LINGO2: variants seen among roughly 807,000 people sequenced by gnomAD.
LINGO2 encodes the protein leucine-rich repeat and immunoglobulin-like domain-containing nogo receptor-interacting protein 2.
In LINGO2, 14 loss-of-function variants were observed where a neutral mutation model predicts 30.6. The ratio of observed to expected loss-of-function variants is 0.46; its 90% CI spans 0.30 to 0.72. The LOEUF (loss-of-function observed/expected upper bound fraction) is 0.72. Among genes scored for constraint, LINGO2 ranks in the 30% least tolerant of loss-of-function variants. The pLI, the probability that LINGO2 is intolerant of heterozygous loss-of-function variation, is 0.07. For synonymous variants in LINGO2, 317 were observed against 288.5 expected (o/e 1.10, Z -1.00); for missense variants, 729 against 751.7 (o/e 0.97, Z 0.35).
chr9:28,219,129 C>T (rs930579996), intron 4 of LINGO2, among the ~76,000 whole-genome samples: 2 of 152,124 alleles, frequency 1.3e-5, no homozygotes, highest in East Asian at 1.9e-4. Context: ...AATATCATTC[C>T]TTAGTGGCCC....
At chr9:28,678,322 G>A in the LINGO2 span, among the ~76,000 whole-genome samples, 29 of 152,112 alleles carry the variant, frequency 1.9e-4, no homozygotes, top group African/African-American at 6.5e-4. Context: ...GGCACTGTTA[G>A]AGCAATCCTC....
chr9:28,460,822 G>T (rs1275582738), intron 2 of LINGO2, among the ~76,000 whole-genome samples: 3 of 152,052 alleles, frequency 2.0e-5, no homozygotes, highest in Non-Finnish European at 4.4e-5. Flanking sequence ...TTTGTGTGTG[G>T]GGGGAGGGGT....
chr9:29,006,050 G>A, the LINGO2 span, among the ~76,000 whole-genome samples: 5 of 151,328 alleles, frequency 3.3e-5, no homozygotes, highest in African/African-American at 7.3e-5. Context: ...TTAATCAACC[G>A]ATAGCTGCTA....
intron 1 of LINGO2, among the ~76,000 whole-genome samples, chr9:28,539,343 G>C (rs935257199): frequency 3.3e-4 from 50 of 152,214 alleles, no homozygotes; most frequent in African/African-American, 1.2e-3. Context: ...AGAAATGTTT[G>C]TTTAGTGAAT....
chr9:28,280,529 G>A (rs1773247369), intron 4 of LINGO2, among the ~76,000 whole-genome samples: 1 of 152,126 alleles, frequency 6.6e-6, no homozygotes, highest in Admixed American at 6.5e-5. Context: ...TCATCTTTGT[G>A]TGATTTCCTT....
intron 1 of LINGO2, among the ~76,000 whole-genome samples, chr9:28,536,980 C>A (rs367858410): frequency 6.6e-6 from 1 of 151,934 alleles, no homozygotes; most frequent in Non-Finnish European, 1.5e-5. Flanking sequence ...CATACTAGAA[C>A]AGAATGGGCC....
the LINGO2 span, among the ~76,000 whole-genome samples, chr9:28,729,299 G>A: frequency 1.3e-5 from 2 of 152,018 alleles, no homozygotes; most frequent in African/African-American, 2.4e-5. Flanking sequence ...AAGTTAACAA[G>A]GTTTATACAT....
chr9:28,535,679 G>T (rs1231277845), intron 1 of LINGO2, among the ~76,000 whole-genome samples: 3 of 151,632 alleles, frequency 2.0e-5, no homozygotes, highest in Non-Finnish European at 4.4e-5. Flanking sequence ...ACACACATAT[G>T]TACACCACAT....
chr9:28,638,659 G>A (rs975975472), intron 1 of LINGO2, among the ~76,000 whole-genome samples: 6 of 151,988 alleles, frequency 3.9e-5, no homozygotes, highest in East Asian at 1.9e-4. Flanking sequence ...TGGGATCGGC[G>A]GTGATATCCC....
intron 2 of LINGO2, among the ~76,000 whole-genome samples, chr9:28,424,287 G>A (rs1823317429): frequency 6.6e-6 from 1 of 152,050 alleles, no homozygotes; most frequent in African/African-American, 2.4e-5. Flanking sequence ...ACAACTTTTA[G>A]GCCTAGCCTG....
the LINGO2 span, among the ~76,000 whole-genome samples, chr9:29,204,841 A>G: frequency 2.6e-5 from 4 of 152,168 alleles, no homozygotes; most frequent in African/African-American, 7.2e-5. Context: ...ACGTTGAGTA[A>G]AAGTGATGAT....
the LINGO2 span, among the ~76,000 whole-genome samples, chr9:28,834,259 G>C: frequency 6.6e-6 from 1 of 152,036 alleles, no homozygotes; most frequent in East Asian, 1.9e-4. Context: ...ACTGAACCCA[G>C]GCCTCTTTCA....
the LINGO2 span, among the ~76,000 whole-genome samples, chr9:28,705,026 C>G: frequency 2.8e-4 from 43 of 152,148 alleles, no homozygotes; most frequent in Middle Eastern, 0.01. Context: ...AGGTGATCCT[C>G]CCACCTCAGC....
chr9:28,611,832 T>TA (rs56681750), intron 1 of LINGO2, among the ~76,000 whole-genome samples: 9 of 148,954 alleles, frequency 6.0e-5, no homozygotes, highest in South Asian at 4.2e-4. Flanking sequence ...TTTATTTATT[T>TA]TTTTTTGAGA....
intron 1 of LINGO2, among the ~76,000 whole-genome samples, chr9:28,491,990 T>C (rs1035822080): frequency 1.3e-5 from 2 of 152,196 alleles, no homozygotes; most frequent in African/African-American, 4.8e-5. Flanking sequence ...TATCAAATTA[T>C]TATAAAGAGG....
chr9:29,046,801 G>A, the LINGO2 span, among the ~76,000 whole-genome samples: 9 of 151,796 alleles, frequency 5.9e-5, no homozygotes, highest in South Asian at 2.1e-4. Context: ...ACAGAGGGCC[G>A]GGCATGGTGG....
chr9:28,040,753 A>G (rs1162197276), intron 4 of LINGO2, among the ~76,000 whole-genome samples: 1 of 130,032 alleles, frequency 7.7e-6, no homozygotes, highest in African/African-American at 2.9e-5. Context: ...ACAGACTCAG[A>G]TAATTTAACT....
intron 4 of LINGO2, among the ~76,000 whole-genome samples, chr9:28,165,538 C>T (rs760998639): frequency 6.6e-6 from 1 of 152,074 alleles, no homozygotes; most frequent in Non-Finnish European, 1.5e-5. Context: ...TATTACCATG[C>T]CATTTCCCAT....
chr9:28,883,628 G>GTATGTATATATA, the LINGO2 span, among the ~76,000 whole-genome samples: 1 of 64,180 alleles, frequency 1.6e-5, no homozygotes, highest in Admixed American at 2.0e-4. Flanking sequence ...ATGTGTGTGT[G>GTATGTATATATA]TATATATATA....
Sources: allele counts gnomAD v4.1 joint callset (sites outside exome capture counted in the v4.1 genomes callset), GRCh38; gene constraint gnomAD v4.1.1; transcripts MANE v1.5; gene names NCBI Gene and HGNC (gene_info 2026-07-23, HGNC 2026-07-21).